CLIP2: variants seen among roughly 807,000 people sequenced by gnomAD.
The protein encoded by CLIP2 is CAP-Gly domain-containing linker protein 2.
In CLIP2, 41 loss-of-function variants were observed where a neutral mutation model predicts 111.7. The observed-to-expected ratio is 0.37, with a 90% CI of 0.29 to 0.48. The LOEUF (loss-of-function observed/expected upper bound fraction) is 0.48, where lower values mean the gene tolerates loss of function less well. CLIP2 is among the 20% of genes least tolerant of loss of function. CLIP2 has a pLI of 0.99. For synonymous variants in CLIP2, 660 were observed against 644.2 expected, an observed-to-expected ratio of 1.02 and a Z score of -0.37; for missense variants, 1,160 against 1,422.1, an observed-to-expected ratio of 0.82 and a Z score of 2.96.
intron 1 of CLIP2, among the ~76,000 whole-genome samples, chr7:74,313,615 A>G (rs1788697214): frequency 1.3e-5 from 2 of 150,734 alleles, no homozygotes; most frequent in South Asian, 4.2e-4. Flanking sequence ...AGCTGGATCT[A>G]GGCCCTCCTC....
chr7:74,359,935 G>A (rs1297110120), intron 6 of CLIP2, among the ~76,000 whole-genome samples: 1 of 152,244 alleles, frequency 6.6e-6, no homozygotes, highest in Non-Finnish European at 1.5e-5. Flanking sequence ...TGTGGGTTGA[G>A]GCGGGAGGCA....
chr7:74,358,258 T>A (rs1264786621), intron 6 of CLIP2, among the ~76,000 whole-genome samples: 1 of 151,704 alleles, frequency 6.6e-6, no homozygotes, highest in Non-Finnish European at 1.5e-5. Context: ...ACCCTGTTGG[T>A]CAGGCTGGCC....
At chr7:74,344,726 A>C (rs1219042157) in intron 3 of CLIP2, among the ~76,000 whole-genome samples, 1 of 152,104 alleles carries the variant, frequency 6.6e-6, no homozygotes, top group Non-Finnish European at 1.5e-5. Flanking sequence ...AGGCTAGGGA[A>C]GAGAAAGGAC....
rs188977885 is a variant in CLIP2 at position 74,301,768 on chromosome 7, G to A, written c.-68+12034G>A. 1.1e-4 allele frequency among the ~76,000 whole-genome samples: 16 copies of A among 146,762 alleles called. 1 individual carries two copies. In the East Asian group the frequency reaches 3.3e-3, roughly 31 times the overall value. Reference sequence around the variant, plus strand: ...TGCTCTGTTGCTAAGACTGGAGTGCGCTGGCGTGATCTCGGCTCACTGCAG... The same window carrying A: ...TGCTCTGTTGCTAAGACTGGAGTGCACTGGCGTGATCTCGGCTCACTGCAG... On this transcript the variant is annotated intron_variant, in intron 1 of 16. Transcript: ENST00000223398.
chr7:74,304,734 A>G (rs957727099), intron 1 of CLIP2, among the ~76,000 whole-genome samples: 15 of 152,034 alleles, frequency 9.9e-5, no homozygotes, highest in Admixed American at 6.6e-5. Flanking sequence ...CAAGAGAATC[A>G]CTTGAAGCCA....
At chr7:74,311,275 G>A (rs539335138) in intron 1 of CLIP2, among the ~76,000 whole-genome samples, 8 of 152,252 alleles carry the variant, frequency 5.3e-5, no homozygotes, top group African/African-American at 1.2e-4. Context: ...CACTGCACTC[G>A]GCCACTATTT....
At position 74,403,955 on chromosome 7, in the gene CLIP2, A is replaced by G. The variant is rs1269023957; in HGVS notation, c.*107A>G. ...CCGGGACTGTCACTTTGGAGACAAA[A>G]CAGTGTTTGTAACAATAACGTACTC... On this transcript the variant is annotated 3_prime_UTR_variant, in exon 17 of 17. Coordinates refer to ENST00000223398, the MANE Select transcript of CLIP2 (RefSeq NM_003388.5). The G allele has an allele frequency of 1.6e-6, 2 of 1,253,698 alleles. No individual in the cohort carries two copies. Among genetic ancestry groups the G allele is most frequent in the African/African-American group, 2.9e-5 (2 of 68,106 alleles). 77.7% of individuals were successfully genotyped at this position (1,253,698 alleles called of 1,614,324 possible).
At chr7:74,403,030 G>T (rs901052657) in intron 16 of CLIP2, among the ~76,000 whole-genome samples, 10 of 150,990 alleles carry the variant, frequency 6.6e-5, no homozygotes, top group Non-Finnish European at 1.3e-4. Flanking sequence ...GGCCAACATA[G>T]CGAAACCCCA....
chr7:74,360,871 A>G (rs1050124162), intron 7 of CLIP2, among the ~76,000 whole-genome samples: 1 of 152,012 alleles, frequency 6.6e-6, no homozygotes, highest in Admixed American at 6.6e-5. Flanking sequence ...CATTGCATAG[A>G]GTTCACTGTT....
rs782727571 is a variant in CLIP2 at position 74,375,911 on chromosome 7, C to T, written c.1510C>T (p.Arg504Cys). The change falls in exon 10 of 17, where the codon CGC (arginine) becomes TGC (cysteine). Residue 504 changes from arginine to cysteine, a missense_variant. Arg to Cys is a radical substitution (Grantham distance 180). Around this residue, in one of 5 missense-constraint regions of CLIP2, gnomAD observed 676 missense variants for 777.8 expected, o/e 0.87. Transcript: ENST00000223398. ...GCTGACCACAGTGGCCGAGAAGTCGCGCGTGCTGCAGCTGGAGGAGGAGCT... is the reference window on the plus strand; with the variant it reads ...GCTGACCACAGTGGCCGAGAAGTCGTGCGTGCTGCAGCTGGAGGAGGAGCT... The part of the protein sequence containing the change: ...NRLTTVAEKS[R>C]VLQLEEELTL... 31 of 1,577,068 alleles carry T rather than the reference C, an allele frequency of 2.0e-5. No individual in the cohort carries two copies. The highest frequency in any genetic ancestry group is 4.3e-6 in the Non-Finnish European group (5 of 1,163,326).
At chr7:74,386,108 C>T (rs1163356939) in intron 11 of CLIP2, among the ~76,000 whole-genome samples, 4 of 145,538 alleles carry the variant, frequency 2.7e-5, no homozygotes, top group South Asian at 2.2e-4. Flanking sequence ...AGTGCAATGG[C>T]GCTATCTTGG....
intron 3 of CLIP2, among the ~76,000 whole-genome samples, chr7:74,352,613 G>A (rs1584352686): frequency 6.7e-6 from 1 of 149,716 alleles, no homozygotes; most frequent in Admixed American, 6.7e-5. Flanking sequence ...TTTAGATATG[G>A]AATACAAAAA....
intron 9 of CLIP2, among the ~76,000 whole-genome samples, chr7:74,375,118 C>T (rs1421701796): frequency 6.6e-6 from 1 of 152,116 alleles, no homozygotes; most frequent in Non-Finnish European, 1.5e-5. Context: ...CATGGTGGCT[C>T]ATGCCCATAG....
At chr7:74,388,932 G>T in intron 12 of CLIP2, 171 bp from the exon 13 acceptor site, 1 of 673,998 alleles carries the variant, frequency 1.5e-6, no homozygotes, top group Non-Finnish European at 2.4e-6. Context: ...CTCCAGTCTG[G>T]GTGACAGAGC....
At chr7:74,375,116 C>A (rs2116652637) in intron 9 of CLIP2, among the ~76,000 whole-genome samples, 1 of 152,164 alleles carries the variant, frequency 6.6e-6, no homozygotes, top group African/African-American at 2.4e-5. Context: ...GGCATGGTGG[C>A]TCATGCCCAT....
intron 3 of CLIP2, among the ~76,000 whole-genome samples, chr7:74,346,337 T>A (rs550263389): frequency 9.9e-5 from 15 of 152,204 alleles, no homozygotes; most frequent in Admixed American, 9.2e-4. Flanking sequence ...AAGCAATCAG[T>A]GTCCATCCGG....
intron 1 of CLIP2, among the ~76,000 whole-genome samples, chr7:74,313,595 C>T (rs1788696505): frequency 6.6e-6 from 1 of 151,878 alleles, no homozygotes; most frequent in African/African-American, 2.4e-5. Context: ...AAGTGGCCAG[C>T]TTCAGGCTCA....
chr7:74,307,476 C>G (rs1339033244), intron 1 of CLIP2, among the ~76,000 whole-genome samples: 1 of 152,128 alleles, frequency 6.6e-6, no homozygotes, highest in Non-Finnish European at 1.5e-5. Flanking sequence ...GCCTGGTAGA[C>G]AGTAGGTTCG....
chr7:74,377,100 C>T lies in CLIP2; in HGVS notation c.2421+278C>T, dbSNP rs567070574. ...AGCAGACCTGGAGAGATGGGACCTC[C>T]GTGCAGAGGACGGGCTTTGATTTAC... On this transcript the variant is annotated intron_variant, in intron 10 of 16. Transcript: ENST00000223398. Among the ~76,000 whole-genome samples the T allele has an allele frequency of 6.6e-5, 10 of 152,232 alleles. No homozygotes were observed. In the East Asian group the frequency reaches 7.7e-4, roughly 12 times the overall value.
Sources: gnomAD v4.1 joint callset for allele counts (sites outside exome capture counted in the v4.1 genomes callset) on GRCh38, gnomAD v4.1.1 for gene constraint, gnomAD v4.1.1 regional missense constraint, MANE v1.5 for transcripts, NCBI Gene and HGNC (gene_info 2026-07-23, HGNC 2026-07-21) for gene names.